SLC20A2: variants seen among roughly 807,000 people sequenced by gnomAD.
SLC20A2 encodes sodium-dependent phosphate transporter 2.
A neutral mutation model predicts 61.0 loss-of-function variants in SLC20A2; 30 were observed. The ratio of observed to expected loss-of-function variants is 0.49; its 90% CI spans 0.37 to 0.67. The LOEUF is 0.67. SLC20A2 is among the 30% of genes least tolerant of loss of function. The pLI is 0.00. For missense variants in SLC20A2, 626 were observed against 866.4 expected (o/e 0.72, Z 3.48); for synonymous variants, 351 against 353.3 (o/e 0.99, Z 0.07).
At chr8:42,480,979 C>A (rs1808513367) in intron 1 of SLC20A2, among the ~76,000 whole-genome samples, 1 of 152,020 alleles carries the variant, frequency 6.6e-6, no homozygotes, top group Admixed American at 6.6e-5. Flanking sequence ...AATTTATATT[C>A]CAAAGGGCCC....
chr8:42,485,996 GC>G (rs1423190479), intron 1 of SLC20A2, among the ~76,000 whole-genome samples: 1 of 151,628 alleles, frequency 6.6e-6, no homozygotes, highest in Non-Finnish European at 1.5e-5. Context: ...TTCAAGGTCA[GC>G]ATAGAGCTTT....
chr8:42,499,123 C>T (rs181664286), intron 1 of SLC20A2, among the ~76,000 whole-genome samples: 1 of 152,114 alleles, frequency 6.6e-6, no homozygotes, highest in Non-Finnish European at 1.5e-5. Context: ...GGGAGACGTG[C>T]GGTCACCTGC....
chr8:42,475,162 C>T (rs1404266403), intron 1 of SLC20A2, among the ~76,000 whole-genome samples: 1 of 152,104 alleles, frequency 6.6e-6, no homozygotes, highest in Non-Finnish European at 1.5e-5. Flanking sequence ...TGCAGTGGCA[C>T]AAGCATGGCT....
chr8:42,538,407 A>G (rs1034954881), intron 1 of SLC20A2: 12 of 152,164 alleles, frequency 7.9e-5, no homozygotes, highest in African/African-American at 2.9e-4. Context: ...ATATAAAGCT[A>G]TAAAAGATTC....
intron 6 of SLC20A2, among the ~76,000 whole-genome samples, chr8:42,443,442 A>G (rs62508040): frequency 0.045 from 6,768 of 150,982 alleles, 230 homozygotes; most frequent in Middle Eastern, 0.068. Context: ...CAGCCTCCCG[A>G]GTAGCTGGGA....
intron 1 of SLC20A2, among the ~76,000 whole-genome samples, chr8:42,499,759 G>A (rs931843679): frequency 2.6e-5 from 4 of 152,068 alleles, no homozygotes; most frequent in South Asian, 2.1e-4. Context: ...AAGGATTACC[G>A]GAGCAAAACC....
chr8:42,504,852 CAAAAAAAAAAAAAAAAAA>C (rs771127709), upstream of SLC20A2, among the ~76,000 whole-genome samples: 399 of 16,526 alleles, frequency 0.024, 19 homozygotes, highest in African/African-American at 0.077. Context: ...GACTCCGTCT[CAAAAAAAAAAAAAAAAAA>C]AAAAAAAAAA....
intron 2 of SLC20A2, among the ~76,000 whole-genome samples, chr8:42,469,681 G>C (rs1807470807): frequency 6.6e-6 from 1 of 152,198 alleles, no homozygotes; most frequent in African/African-American, 2.4e-5. Context: ...TGTAATCCCA[G>C]CACTTTGGGA....
chr8:42,541,614 T>A (rs1029804519), intron 1 of SLC20A2: 1 of 147,790 alleles, frequency 6.8e-6, no homozygotes, highest in Non-Finnish European at 1.5e-5. Flanking sequence ...GTCCGCTCGG[T>A]AACCGTTTCC....
In SLC20A2 at chr8:42,444,067, G is replaced by A. The variant is rs550120440; in HGVS notation, c.730+579C>T. On this transcript the variant is annotated intron_variant, in intron 6 of 10. Coordinates refer to ENST00000520262, the MANE Select transcript of SLC20A2 (RefSeq NM_001257180.2). ...CCAACACATGGGTTGTTTCCACTTT[G>A]GGCTATTATGACAAAAAGATTTGTA... is the stretch of plus-strand genomic sequence containing the variant. 5.3e-5 allele frequency among the ~76,000 whole-genome samples: 8 copies of A among 152,142 alleles called. No homozygotes were observed. In the South Asian group the frequency reaches 1.7e-3, roughly 32 times the overall value.
chr8:42,502,703 A>G (rs939547029), upstream of SLC20A2: 2 of 152,268 alleles, frequency 1.3e-5, no homozygotes, highest in Non-Finnish European at 2.9e-5. Flanking sequence ...CCTTCACTCC[A>G]ACCCAGAGTC....
At chr8:42,459,235 C>CAAAAAAAAAAAAA (rs756966778) in intron 5 of SLC20A2, among the ~76,000 whole-genome samples, 15 of 36,036 alleles carry the variant, frequency 4.2e-4, no homozygotes, top group South Asian at 1.3e-3. Flanking sequence ...GACTCTATCT[C>CAAAAAAAAAAAAA]AAAAAAAAAA....
chr8:42,443,267 A>T (rs1008759549), intron 6 of SLC20A2, among the ~76,000 whole-genome samples: 68 of 2,320 alleles, frequency 0.029, 1 homozygote, highest in African/African-American at 0.15. Flanking sequence ...ATTATAGGAT[A>T]TATATATATA....
intron 1 of SLC20A2, among the ~76,000 whole-genome samples, chr8:42,528,972 T>TTAC (rs1317982124): frequency 6.6e-6 from 1 of 150,608 alleles, no homozygotes; most frequent in East Asian, 1.9e-4. Flanking sequence ...CGGCCTATTA[T>TTAC]TATTATTATT....
At chr8:42,428,339 C>T (rs1013038228) in intron 10 of SLC20A2, among the ~76,000 whole-genome samples, 1 of 152,266 alleles carries the variant, frequency 6.6e-6, no homozygotes, top group African/African-American at 2.4e-5. Context: ...ACAACTGTGT[C>T]CTACAATTCC....
At chr8:42,512,305 T>C (rs1811075507) in intron 1 of SLC20A2, among the ~76,000 whole-genome samples, 1 of 151,610 alleles carries the variant, frequency 6.6e-6, no homozygotes, top group African/African-American at 2.4e-5. Flanking sequence ...AGAACAGCTC[T>C]GGATAGATCC....
intron 3 of SLC20A2, among the ~76,000 whole-genome samples, chr8:42,463,677 G>A (rs1488979011): frequency 1.3e-5 from 2 of 152,146 alleles, no homozygotes; most frequent in African/African-American, 2.4e-5. Flanking sequence ...TGGGAATGGG[G>A]TTTGGGCATT....
chr8:42,442,582 C>T lies in SLC20A2; in HGVS notation c.730+2064G>A, dbSNP rs141274480. On this transcript the variant is annotated intron_variant, in intron 6 of 10. Coordinates refer to ENST00000520262, the MANE Select transcript of SLC20A2 (RefSeq NM_001257180.2). ...TTAATCTATGTGTCTCTCTCTTCCA[C>T]ACTGCCTTGTGGCTTCATAACAAGT... is the stretch of plus-strand genomic sequence containing the variant. Among the ~76,000 whole-genome samples, 425 of 152,348 alleles carry T rather than the reference C, an allele frequency of 2.8e-3. 3 individuals are homozygous for T. The highest frequency in any genetic ancestry group is 9.9e-3 in the African/African-American group (413 of 41,574).
intron 1 of SLC20A2, among the ~76,000 whole-genome samples, chr8:42,532,599 G>A (rs972382490): frequency 6.6e-6 from 1 of 152,174 alleles, no homozygotes; most frequent in African/African-American, 2.4e-5. Flanking sequence ...GCACAGTAAG[G>A]ATGTGTGTTC....
Sources: allele counts gnomAD v4.1 joint callset (sites outside exome capture counted in the v4.1 genomes callset), GRCh38; gene constraint gnomAD v4.1.1; transcripts MANE v1.5; gene names NCBI Gene and HGNC (gene_info 2026-07-23, HGNC 2026-07-21).